Variants in HRH1 observed in about 807,000 individuals in gnomAD.
HRH1 encodes the protein histamine H1 receptor.
HRH1 carries 6 observed loss-of-function variants against 10.3 expected under a neutral mutation model. That is an observed-to-expected ratio of 0.58 (90% confidence interval 0.32 to 1.15). The LOEUF is 1.15. HRH1 is among the 50% of genes most tolerant of loss of function. HRH1 has a pLI of 0.05. For synonymous variants in HRH1, 242 were observed against 236.7 expected (o/e 1.02, Z -0.21); for missense variants, 514 against 615.3 (o/e 0.84, Z 1.74).
rs192810106 is a variant in HRH1 at position 11,224,592 on chromosome 3, C to T, written c.-35-34411C>T. ...GTGGGCACCTGTAGTCCCAGCTACTCGGGAGGCTGAGGCAGGAGAATGGCG... is the reference window on the plus strand; with the variant it reads ...GTGGGCACCTGTAGTCCCAGCTACTTGGGAGGCTGAGGCAGGAGAATGGCG... On this transcript the variant is annotated intron_variant, in intron 1 of 1. Coordinates refer to ENST00000431010, the MANE Select transcript of HRH1 (RefSeq NM_001098212.2). 9.3e-3 allele frequency among the ~76,000 whole-genome samples: 1,407 copies of T among 151,392 alleles called. 29 individuals carry two copies. The highest frequency in any genetic ancestry group is 0.032 in the African/African-American group (1,331 of 41,198).
upstream of HRH1, among the ~76,000 whole-genome samples, chr3:11,153,089 C>T (rs1427118893): frequency 1.3e-5 from 2 of 152,126 alleles, no homozygotes; most frequent in East Asian, 1.9e-4. Context: ...AACAGCCCCA[C>T]GGAGATGAAG....
intron 1 of HRH1, among the ~76,000 whole-genome samples, chr3:11,201,181 C>A (rs1320316865): frequency 1.3e-5 from 2 of 152,206 alleles, no homozygotes; most frequent in South Asian, 2.1e-4. Flanking sequence ...CTCAGAGGAT[C>A]CCCTCAGTCT....
chr3:11,207,964 C>A (rs886830323), intron 1 of HRH1, among the ~76,000 whole-genome samples: 2 of 152,092 alleles, frequency 1.3e-5, no homozygotes, highest in South Asian at 4.1e-4. Context: ...GGTTTTCCCA[C>A]TAAGATGTTT....
chr3:11,232,056 A>G (rs990990774), intron 1 of HRH1, among the ~76,000 whole-genome samples: 2 of 151,178 alleles, frequency 1.3e-5, no homozygotes, highest in Non-Finnish European at 2.9e-5. Context: ...CAATGGTGCA[A>G]TCTTGGCTCA....
upstream of HRH1, among the ~76,000 whole-genome samples, chr3:11,152,152 A>G (rs1052308873): frequency 6.6e-6 from 1 of 152,176 alleles, no homozygotes; most frequent in Admixed American, 6.5e-5. Context: ...TCTCATTTGC[A>G]AAACGGGATG....
chr3:11,210,520 G>A (rs778302073), intron 1 of HRH1, among the ~76,000 whole-genome samples: 4 of 151,966 alleles, frequency 2.6e-5, no homozygotes, highest in African/African-American at 4.8e-5. Context: ...GGCTGGGTGC[G>A]GAGGCTCACA....
chr3:11,145,319 G>A (rs1292467976), intron 1 of HRH1, among the ~76,000 whole-genome samples: 1 of 152,120 alleles, frequency 6.6e-6, no homozygotes, highest in Non-Finnish European at 1.5e-5. Context: ...GATGCTGTGA[G>A]TGCCCTTGCA....
At chr3:11,179,646 T>G (rs1442920217) in intron 1 of HRH1, among the ~76,000 whole-genome samples, 1 of 150,544 alleles carries the variant, frequency 6.6e-6, no homozygotes. Context: ...AGAAAGAAAG[T>G]CAGCCAGAAG....
chr3:11,256,152 G>A (rs1289970258), intron 1 of HRH1, among the ~76,000 whole-genome samples: 1 of 152,170 alleles, frequency 6.6e-6, no homozygotes, highest in Non-Finnish European at 1.5e-5. Flanking sequence ...CAGGAGCATA[G>A]GGCAGGACTT....
chr3:11,217,453 C>T (rs1377310203), intron 1 of HRH1, among the ~76,000 whole-genome samples: 5 of 152,038 alleles, frequency 3.3e-5, no homozygotes, highest in African/African-American at 1.2e-4. Context: ...CACTTGAACC[C>T]GGCAGGCGGA....
chr3:11,159,862 A>G (rs1936890894), intron 1 of HRH1, among the ~76,000 whole-genome samples: 1 of 152,164 alleles, frequency 6.6e-6, no homozygotes, highest in Admixed American at 6.5e-5. Context: ...CCAGTTTTGA[A>G]GGAGGAACTT....
At chr3:11,250,348 C>T (rs753736064) in intron 1 of HRH1, among the ~76,000 whole-genome samples, 31 of 151,768 alleles carry the variant, frequency 2.0e-4, no homozygotes, top group East Asian at 1.2e-3. Flanking sequence ...CGTGAGCCAC[C>T]GCGCCCGGCC....
In HRH1 at chr3:11,259,700, C is replaced by G; in HGVS notation, c.663C>G (p.Cys221Trp). 1 of 1,614,076 alleles carries G rather than the reference C, an allele frequency of 6.2e-7. No individual in the cohort carries two copies. The highest frequency in any genetic ancestry group is 8.5e-7 in the Non-Finnish European group (1 of 1,179,982). The change falls in exon 2 of 2, where the codon TGC becomes TGG. Residue 221 changes from cysteine (C) to tryptophan (W), a missense_variant. Coordinates refer to ENST00000431010, the MANE Select transcript of HRH1 (RefSeq NM_001098212.2). This position sits in a 1 kb window ranked among gnomAD's most constrained non-coding sequence, Gnocchi z 4.6. ...TCTACAAGGCCGTACGACAACACTG[C>G]CAGCACCGGGAGCTCATCAATAGGT... ...AKIYKAVRQH[C>W]QHRELINRSL...
intron 1 of HRH1, among the ~76,000 whole-genome samples, chr3:11,144,648 C>G (rs1936390920): frequency 6.6e-6 from 1 of 151,656 alleles, no homozygotes; most frequent in Non-Finnish European, 1.5e-5. Context: ...AGCTACATAG[C>G]CTGAGAACAG....
intron 1 of HRH1, among the ~76,000 whole-genome samples, chr3:11,191,692 A>G (rs1937534049): frequency 6.6e-6 from 1 of 152,214 alleles, no homozygotes; most frequent in Admixed American, 6.5e-5. Flanking sequence ...CATTGCTAAT[A>G]AACTAGAGGA....
At chr3:11,246,023 C>T (rs905567638) in intron 1 of HRH1, among the ~76,000 whole-genome samples, 1 of 151,674 alleles carries the variant, frequency 6.6e-6, no homozygotes, top group Non-Finnish European at 1.5e-5. Context: ...CATACACTCA[C>T]ACTCATACAC....
At chr3:11,153,710 TC>T (rs1404714448), upstream of HRH1, among the ~76,000 whole-genome samples, 1 of 151,688 alleles carries the variant, frequency 6.6e-6, no homozygotes, top group African/African-American at 2.4e-5. Context: ...ATCCTCAAGC[TC>T]CCATTGCCAG....
At chr3:11,239,922 T>A (rs1939290541) in intron 1 of HRH1, among the ~76,000 whole-genome samples, 1 of 152,190 alleles carries the variant, frequency 6.6e-6, no homozygotes, top group Non-Finnish European at 1.5e-5. Context: ...GTCTTCTTGA[T>A]ACATCAGATA....
At chr3:11,160,779 A>T (rs1271395877) in intron 1 of HRH1, among the ~76,000 whole-genome samples, 2 of 152,204 alleles carry the variant, frequency 1.3e-5, no homozygotes, top group African/African-American at 4.8e-5. Flanking sequence ...TCTCTTTCTG[A>T]ACTGTCTGTT....
Sources: gnomAD v4.1 joint callset for allele counts (sites outside exome capture counted in the v4.1 genomes callset) on GRCh38, gnomAD v4.1.1 for gene constraint, Gnocchi (gnomAD v3.1) non-coding constraint, MANE v1.5 for transcripts, NCBI Gene and HGNC (gene_info 2026-07-23, HGNC 2026-07-21) for gene names.